The following MKLN1 variants were observed in gnomAD, a reference collection of about 807,000 sequenced individuals.
The protein encoded by MKLN1 is muskelin 1, also known as muskelin.
MKLN1 carries 18 observed loss-of-function variants against 99.0 expected under a neutral mutation model. The ratio of observed to expected loss-of-function variants is 0.18; its 90% CI spans 0.13 to 0.27. The LOEUF (loss-of-function observed/expected upper bound fraction) is 0.27. MKLN1 is among the 10% of genes least tolerant of loss of function. The pLI, the probability that MKLN1 is intolerant of heterozygous loss-of-function variation, is 1.00. For synonymous variants in MKLN1, 288 were observed against 293.2 expected (o/e 0.98, Z 0.18); for missense variants, 621 against 875.9 (o/e 0.71, Z 3.67).
intron 1 of MKLN1, among the ~76,000 whole-genome samples, chr7:131,339,501 T>A (rs962436701): frequency 6.6e-6 from 1 of 151,924 alleles, no homozygotes; most frequent in African/African-American, 2.4e-5. Flanking sequence ...GGTCAGGAAT[T>A]CAGCCTGGCC....
At chr7:131,160,486 A>AT (rs1434818324) in intron 2 of MKLN1, among the ~76,000 whole-genome samples, 15 of 126,740 alleles carry the variant, frequency 1.2e-4, no homozygotes, top group Non-Finnish European at 2.3e-4. Flanking sequence ...TTTTATTATT[A>AT]TTATTAATTA....
In MKLN1 at chr7:131,355,672, G is replaced by GT. The variant is rs1237493590; in HGVS notation, c.99-19740dup. Among the ~76,000 whole-genome samples the GT allele has an allele frequency of 1.2e-3, 143 of 124,062 alleles. 2 individuals are homozygous for GT. Among genetic ancestry groups the GT allele is most frequent in the Middle Eastern group, 4.0e-3 (1 of 250 alleles). 81.4% of individuals were successfully genotyped at this position (124,062 alleles called of 152,430 possible). The stretch of plus-strand genomic sequence containing the variant: ...TATGCTTTAAGTTCTGGGGTTTTTT[G>GT]TTTTTTTTTTTTAAACAGGTCTCTT... On this transcript the variant is annotated intron_variant, in intron 1 of 17. Transcript: ENST00000352689.
intron 4 of MKLN1, among the ~76,000 whole-genome samples, chr7:131,391,830 C>A (rs1410016232): frequency 6.6e-6 from 1 of 152,192 alleles, no homozygotes; most frequent in East Asian, 1.9e-4. Flanking sequence ...TTGGATATCT[C>A]TTTTGCACAT....
At chr7:131,459,528 C>T (rs1383081054) in intron 12 of MKLN1, among the ~76,000 whole-genome samples, 1 of 152,122 alleles carries the variant, frequency 6.6e-6, no homozygotes, top group Non-Finnish European at 1.5e-5. Context: ...CTGAGGCCTT[C>T]CAGTGTTCTT....
chr7:131,350,975 T>A (rs1799703233), intron 1 of MKLN1, among the ~76,000 whole-genome samples: 3 of 152,218 alleles, frequency 2.0e-5, no homozygotes, highest in Admixed American at 2.0e-4. Context: ...TAATACCTAG[T>A]CCATATTTAA....
At chr7:131,214,814 A>G (rs1796955591) in intron 3 of MKLN1, among the ~76,000 whole-genome samples, 1 of 152,212 alleles carries the variant, frequency 6.6e-6, no homozygotes, top group Non-Finnish European at 1.5e-5. Flanking sequence ...GAGAACTGAC[A>G]TCTTTATGAT....
chr7:131,289,184 C>T (rs999935216), intron 3 of MKLN1, among the ~76,000 whole-genome samples: 10 of 152,150 alleles, frequency 6.6e-5, no homozygotes, highest in African/African-American at 2.2e-4. Flanking sequence ...GATCAGGTGT[C>T]CCCACCCCTG....
chr7:131,215,415 A>G (rs549154241), intron 3 of MKLN1, among the ~76,000 whole-genome samples: 1 of 152,202 alleles, frequency 6.6e-6, no homozygotes, highest in South Asian at 2.1e-4. Flanking sequence ...GCACCACAAT[A>G]ACTCACTGCA....
chr7:131,255,374 G>A (rs1054797784), intron 3 of MKLN1, among the ~76,000 whole-genome samples: 1 of 152,128 alleles, frequency 6.6e-6, no homozygotes, highest in Non-Finnish European at 1.5e-5. Context: ...GATAAAGAGA[G>A]TATCTTAAAA....
chr7:131,263,730 C>T (rs1309937408), intron 3 of MKLN1, among the ~76,000 whole-genome samples: 1 of 151,942 alleles, frequency 6.6e-6, no homozygotes, highest in Non-Finnish European at 1.5e-5. Context: ...CCACCATGCC[C>T]AGCTAATTTT....
chr7:131,356,465 A>C (rs1799885168), intron 1 of MKLN1, among the ~76,000 whole-genome samples: 4 of 151,970 alleles, frequency 2.6e-5, no homozygotes, highest in Admixed American at 2.6e-4. Flanking sequence ...CAAGACCCCA[A>C]ATCTTTGGGG....
At chr7:131,147,197 G>A (rs1247168933) in intron 2 of MKLN1, among the ~76,000 whole-genome samples, 4 of 148,434 alleles carry the variant, frequency 2.7e-5, no homozygotes, top group Admixed American at 2.1e-4. Flanking sequence ...GATTACAGGC[G>A]CCTGCCACCA....
chr7:131,226,006 C>T (rs1797141801), intron 3 of MKLN1, among the ~76,000 whole-genome samples: 1 of 152,082 alleles, frequency 6.6e-6, no homozygotes, highest in African/African-American at 2.4e-5. Context: ...CCTTCCTGGC[C>T]TCTCTACCCC....
intron 1 of MKLN1, among the ~76,000 whole-genome samples, chr7:131,355,571 A>G (rs998247813): frequency 1.3e-5 from 2 of 149,418 alleles, no homozygotes; most frequent in Non-Finnish European, 3.0e-5. Flanking sequence ...CTTGCATTAT[A>G]TCTTCTAACT....
At chr7:131,303,815 G>A (rs753113579) in intron 3 of MKLN1, among the ~76,000 whole-genome samples, 6 of 152,146 alleles carry the variant, frequency 3.9e-5, no homozygotes, top group Non-Finnish European at 8.8e-5. Context: ...TTTGAGGCAA[G>A]TTCACTCTTA....
At position 131,387,008 on chromosome 7, in the gene MKLN1, G is replaced by A. The variant is rs897503530; in HGVS notation, c.169-112G>A. 9.4e-6 allele frequency: 9 copies of A among 952,996 alleles called. No homozygotes were observed. The African/African-American group carries it at 1.3e-4, about 14-fold the overall frequency. The allele number at this position is 952,996 out of a possible 1,614,324, so 59.0% of individuals were successfully genotyped here. Reference sequence around the variant, plus strand: ...GCTTTAAAAAAATCTGCTAGTACAGGATGGACAAGGATGGACCTTATACAT... The same window carrying A: ...GCTTTAAAAAAATCTGCTAGTACAGAATGGACAAGGATGGACCTTATACAT... On this transcript the variant is annotated intron_variant, in intron 2 of 17. Coordinates refer to ENST00000352689, the MANE Select transcript of MKLN1 (RefSeq NM_013255.5).
intron 3 of MKLN1, among the ~76,000 whole-genome samples, chr7:131,322,852 G>A (rs926885124): frequency 2.6e-5 from 4 of 151,614 alleles, no homozygotes; most frequent in African/African-American, 9.7e-5. Flanking sequence ...TTACAGGCGT[G>A]AGCCACCGCG....
chr7:131,400,518 A>AAAAAAAT (rs527702723), intron 6 of MKLN1, among the ~76,000 whole-genome samples: 7 of 137,434 alleles, frequency 5.1e-5, no homozygotes, highest in African/African-American at 1.7e-4. Flanking sequence ...ATAAAAAAAA[A>AAAAAAAT]ATATATATAT....
chr7:131,239,375 C>G (rs28728378), intron 3 of MKLN1, among the ~76,000 whole-genome samples: 1 of 151,252 alleles, frequency 6.6e-6, no homozygotes, highest in African/African-American at 2.4e-5. Context: ...TGTACTGACA[C>G]GATCATAGCT....
Sources: gnomAD v4.1 joint callset for allele counts (sites outside exome capture counted in the v4.1 genomes callset) on GRCh38, gnomAD v4.1.1 for gene constraint, MANE v1.5 for transcripts, NCBI Gene and HGNC (gene_info 2026-07-23, HGNC 2026-07-21) for gene names.